The following MAP1LC3B variants were observed in gnomAD, a reference collection of about 807,000 sequenced individuals.
The protein encoded by MAP1LC3B is microtubule-associated protein 1 light chain 3 beta.
In MAP1LC3B, 12 loss-of-function variants were observed where a neutral mutation model predicts 16.7. The observed-to-expected ratio is 0.72, with a 90% CI of 0.46 to 1.16. The LOEUF is 1.16. Among genes scored for constraint, MAP1LC3B ranks in the 50% most tolerant of loss-of-function variants. MAP1LC3B has a pLI of 0.00. For missense variants in MAP1LC3B, 155 were observed against 159.5 expected (o/e 0.97, Z 0.15); for synonymous variants, 63 against 56.5 (o/e 1.11, Z -0.51).
chr16:87,400,523 A>G (rs537272287), intron 2 of MAP1LC3B, among the ~76,000 whole-genome samples: 1 of 152,250 alleles, frequency 6.6e-6, no homozygotes, highest in South Asian at 2.1e-4. Context: ...ATATGTTATC[A>G]GAATGAAAGT....
At chr16:87,394,390 G>T (rs927586693) in intron 1 of MAP1LC3B, among the ~76,000 whole-genome samples, 2 of 152,216 alleles carry the variant, frequency 1.3e-5, no homozygotes, top group Admixed American at 1.3e-4. Context: ...TCCTTAGAGA[G>T]AACCTCTTTA....
At chr16:87,392,814 C>T (rs1300231714) in intron 1 of MAP1LC3B, 1 of 152,562 alleles carries the variant, frequency 6.6e-6, no homozygotes. Flanking sequence ...CCTGCCGTAC[C>T]CCGGCCACCG....
Position 87,402,904 on chromosome 16 carries a change from C to T in MAP1LC3B, c.204-19C>T, listed in dbSNP as rs374559137. 1.2e-5 allele frequency: 20 copies of T among 1,613,344 alleles called. No individual in the cohort carries two copies. The highest frequency in any genetic ancestry group is 1.7e-5 in the Admixed American group (1 of 59,890). On this transcript the variant is annotated intron_variant, in intron 3 of 3. Transcript: ENST00000268607. ...TTGTATTGTTGTCAATATTTCTTCA[C>T]GTTGTTTTCTTTCAATAGAAGGCGC...
intron 3 of MAP1LC3B, chr16:87,402,668 TTCTTA>T: frequency 1.8e-6 from 1 of 566,424 alleles, no homozygotes; most frequent in South Asian, 2.2e-5. Context: ...TTGAACTGCT[TTCTTA>T]TATTAGACAG....
intron 2 of MAP1LC3B, among the ~76,000 whole-genome samples, chr16:87,400,704 CT>C (rs764527064): frequency 6.0e-3 from 828 of 138,786 alleles, no homozygotes; most frequent in East Asian, 5.6e-3. Flanking sequence ...CAGGCATTTA[CT>C]TTTTTTTTTT....
chr16:87,394,160 C>T (rs916950087), intron 1 of MAP1LC3B, among the ~76,000 whole-genome samples: 11 of 151,840 alleles, frequency 7.2e-5, no homozygotes, highest in Non-Finnish European at 1.5e-4. Flanking sequence ...AGGGTTTTTT[C>T]CCTTGGCTCA....
intron 3 of MAP1LC3B, 126 bp downstream of exon 3, chr16:87,402,407 T>A: frequency 1.1e-6 from 1 of 876,390 alleles, no homozygotes; most frequent in Non-Finnish European, 1.7e-6. Context: ...TGAATTCAGT[T>A]CTGATTCAGT....
Position 87,404,065 on chromosome 16 carries a change from T to G in MAP1LC3B, c.*968T>G, listed in dbSNP as rs539989627. 2 of 152,190 alleles carry G rather than the reference T, an allele frequency of 1.3e-5. No homozygotes were observed. The highest frequency in any genetic ancestry group is 1.3e-4 in the Admixed American group (2 of 15,282). 9.4% of individuals were successfully genotyped at this position (152,190 alleles called of 1,614,324 possible). A position where few individuals can be genotyped will look rare whatever the true frequency, so the allele number is the denominator to read the frequency against. On this transcript the variant is annotated 3_prime_UTR_variant, in exon 4 of 4. Transcript: ENST00000268607. The stretch of plus-strand genomic sequence containing the variant: ...TGTTAAATGTGTAACTCAGTATTAC[T>G]GAAAAGGTACCCACATTTTGAATAG...
At chr16:87,394,428 T>G (rs551848064) in intron 1 of MAP1LC3B, among the ~76,000 whole-genome samples, 17 of 152,352 alleles carry the variant, frequency 1.1e-4, no homozygotes, top group African/African-American at 3.8e-4. Context: ...CCCAGTTAGC[T>G]TGAGTGGTGT....
chr16:87,393,468 G>C (rs1477507796), intron 1 of MAP1LC3B: 1 of 152,204 alleles, frequency 6.6e-6, no homozygotes, highest in African/African-American at 2.4e-5. Flanking sequence ...CCGGAGTCTA[G>C]AAAGAGTTTA....
intron 2 of MAP1LC3B, among the ~76,000 whole-genome samples, chr16:87,400,920 G>T (rs1907969612): frequency 6.6e-6 from 1 of 152,026 alleles, no homozygotes; most frequent in Non-Finnish European, 1.5e-5. Flanking sequence ...GGATCACGAA[G>T]TCAGGGGTTC....
intron 1 of MAP1LC3B, 178 bp downstream of exon 1, chr16:87,392,645 C>A: frequency 2.2e-6 from 1 of 444,710 alleles, no homozygotes; most frequent in Non-Finnish European, 3.2e-6. Flanking sequence ...GGGACCCAGG[C>A]CGGGACCGAG....
Position 87,404,357 on chromosome 16 carries a change from C to T in MAP1LC3B, c.*1260C>T, listed in dbSNP as rs1003888752. 6.6e-6 allele frequency: 1 copy of T among 152,026 alleles called. No homozygotes were observed. The highest frequency in any genetic ancestry group is 1.5e-5 in the Non-Finnish European group (1 of 68,024). The allele number at this position is 152,026 out of a possible 1,614,324, so 9.4% of individuals were successfully genotyped here. ...CTATGTGTAGCAGGTCACAACTTAC[C>T]CTTGTGTGTTTAGATGTGTATGAAA... On this transcript the variant is annotated 3_prime_UTR_variant, in exon 4 of 4. Coordinates refer to ENST00000268607, the MANE Select transcript of MAP1LC3B (RefSeq NM_022818.5).
At chr16:87,393,742 C>A (rs1235511024) in intron 1 of MAP1LC3B, among the ~76,000 whole-genome samples, 2 of 151,984 alleles carry the variant, frequency 1.3e-5, no homozygotes, top group East Asian at 3.9e-4. Context: ...GACAGATTTT[C>A]TTTTCTTTTT....
intron 2 of MAP1LC3B, chr16:87,399,116 CCCT>C (rs1238310059): frequency 6.0e-6 from 3 of 500,268 alleles, no homozygotes; most frequent in East Asian, 3.6e-5. Flanking sequence ...AAGCAGTCCT[CCCT>C]CCTCAGCCTC....
intron 1 of MAP1LC3B, chr16:87,396,854 G>C (rs930334177): frequency 6.6e-6 from 1 of 152,198 alleles, no homozygotes; most frequent in African/African-American, 2.4e-5. Flanking sequence ...TGAGACAAAA[G>C]TCTTGCTCTG....
At chr16:87,393,805 A>G (rs1177438902) in intron 1 of MAP1LC3B, among the ~76,000 whole-genome samples, 2 of 152,144 alleles carry the variant, frequency 1.3e-5, no homozygotes, top group African/African-American at 2.4e-5. Context: ...CAGTGGTGCA[A>G]TCACAGCCCA....
chr16:87,394,361 A>T (rs1474858643), intron 1 of MAP1LC3B, among the ~76,000 whole-genome samples: 1 of 152,228 alleles, frequency 6.6e-6, no homozygotes, highest in African/African-American at 2.4e-5. Context: ...TGTGTAGCAC[A>T]GTAAGTGAGG....
intron 1 of MAP1LC3B, among the ~76,000 whole-genome samples, chr16:87,397,461 CA>C (rs1470014515): frequency 6.6e-6 from 1 of 151,876 alleles, no homozygotes; most frequent in Non-Finnish European, 1.5e-5. Flanking sequence ...ACTAAAAATA[CA>C]AAAAAATTAG....
Sources: allele counts gnomAD v4.1 joint callset (sites outside exome capture counted in the v4.1 genomes callset), GRCh38; gene constraint gnomAD v4.1.1; transcripts MANE v1.5; gene names NCBI Gene and HGNC (gene_info 2026-07-23, HGNC 2026-07-21).